TRMT44: variants seen among roughly 807,000 people sequenced by gnomAD.
The protein encoded by TRMT44 is tRNA methyltransferase 44 homolog, also known as probable tRNA (uracil-O(2)-)-methyltransferase.
A neutral mutation model predicts 77.3 loss-of-function variants in TRMT44; 78 were observed. The observed-to-expected ratio is 1.01, with a 90% confidence interval of 0.84 to 1.22. The LOEUF is 1.22. Among genes scored for constraint, TRMT44 ranks in the 50% most tolerant of loss-of-function variants. The pLI, the probability that TRMT44 is intolerant of heterozygous loss-of-function variation, is 0.00. For synonymous variants in TRMT44, 391 were observed against 383.3 expected, an observed-to-expected ratio of 1.02 and a Z score of -0.23; for missense variants, 1,090 against 964.4, an observed-to-expected ratio of 1.13 and a Z score of -1.73.
chr4:8,498,011 C>T (rs544333440), downstream of TRMT44, among the ~76,000 whole-genome samples: 15 of 152,330 alleles, frequency 9.8e-5, no homozygotes, highest in South Asian at 4.1e-4. The surrounding 1 kb of genome is among the most constrained non-coding windows in gnomAD (Gnocchi z 4.3). Flanking sequence ...CTATGCTTCT[C>T]ACTGTCCCTC....
chr4:8,449,516 G>A (rs1725285745), intron 2 of TRMT44, among the ~76,000 whole-genome samples, 153 bp from the exon 3 acceptor site: 1 of 152,196 alleles, frequency 6.6e-6, no homozygotes, highest in Non-Finnish European at 1.5e-5. Context: ...TTCTCTATTA[G>A]ATGAAAGTTC....
At chr4:8,441,471 G>T in intron 1 of TRMT44, 30 bp downstream of exon 1, 1 of 1,453,770 alleles carries the variant, frequency 6.9e-7, no homozygotes, top group South Asian at 1.4e-5. Flanking sequence ...GGACGGATAT[G>T]ATTAGATAAA....
At chr4:8,507,503 T>G in the TRMT44 span, 5 of 153,336 alleles carry the variant, frequency 3.3e-5, no homozygotes, top group African/African-American at 1.2e-4. Flanking sequence ...CGTGCATCCT[T>G]GCCTGTGGGT....
chr4:8,475,128 T>G (rs569080988), intron 10 of TRMT44, among the ~76,000 whole-genome samples: 1 of 152,320 alleles, frequency 6.6e-6, no homozygotes, highest in African/African-American at 2.4e-5. Context: ...GTAAACCCAG[T>G]GCACCGGGAC....
intron 9 of TRMT44, 49 bp from the exon 10 acceptor site, chr4:8,471,035 T>G: frequency 7.6e-7 from 1 of 1,320,142 alleles, no homozygotes; most frequent in Non-Finnish European, 1.1e-6. Flanking sequence ...GACAGGTTCG[T>G]AATATTTTGC....
intron 2 of TRMT44, among the ~76,000 whole-genome samples, chr4:8,486,894 G>A (rs375304536): frequency 1.3e-5 from 2 of 152,114 alleles, no homozygotes; most frequent in Non-Finnish European, 2.9e-5. Context: ...TCAGCCCGGC[G>A]AGGAGCAGCC....
intron 10 of TRMT44, among the ~76,000 whole-genome samples, chr4:8,473,848 CG>C (rs923504739): frequency 6.6e-6 from 1 of 152,074 alleles, no homozygotes; most frequent in Non-Finnish European, 1.5e-5. Context: ...GAGGGGCGGC[CG>C]GGAGCTACCT....
At chr4:8,463,934 A>G in intron 6 of TRMT44, 51 bp from the exon 7 acceptor site, 2 of 1,502,216 alleles carry the variant, frequency 1.3e-6, no homozygotes, top group Admixed American at 1.7e-5. Flanking sequence ...CCCACGCAGT[A>G]GCTCTACAAT....
chr4:8,503,951 G>A, the TRMT44 span, among the ~76,000 whole-genome samples: 6 of 152,134 alleles, frequency 3.9e-5, no homozygotes, highest in Non-Finnish European at 7.4e-5. Flanking sequence ...GCCTGTCCTG[G>A]CCTCGCTCCC....
intron 6 of TRMT44, among the ~76,000 whole-genome samples, chr4:8,458,461 TTTC>T (rs1725949027): frequency 7.0e-6 from 1 of 143,448 alleles, no homozygotes; most frequent in African/African-American, 2.5e-5. Flanking sequence ...TTTCTTTTCT[TTTC>T]TTTTTTTTTT....
intron 2 of TRMT44, among the ~76,000 whole-genome samples, chr4:8,447,979 T>C (rs1725171356): frequency 6.6e-6 from 1 of 152,168 alleles, no homozygotes; most frequent in Non-Finnish European, 1.5e-5. Context: ...GTGACTTTCA[T>C]TGCTCTTTGA....
chr4:8,515,140 A>AT, the TRMT44 span, among the ~76,000 whole-genome samples: 1 of 151,860 alleles, frequency 6.6e-6, no homozygotes, highest in Non-Finnish European at 1.5e-5. Flanking sequence ...TAATTTTTGT[A>AT]TTTTTTTGTA....
chr4:8,471,508 G>T (rs1051348913), intron 10 of TRMT44, among the ~76,000 whole-genome samples: 1 of 152,242 alleles, frequency 6.6e-6, no homozygotes, highest in Non-Finnish European at 1.5e-5. Context: ...GAGCAAGTCG[G>T]GTAGCCGCTG....
the TRMT44 span, among the ~76,000 whole-genome samples, chr4:8,501,210 G>A: frequency 6.6e-6 from 1 of 152,236 alleles, no homozygotes; most frequent in Non-Finnish European, 1.5e-5. This position sits in a 1 kb window ranked among gnomAD's most constrained non-coding sequence, Gnocchi z 4.4. Context: ...GCTTGTGCAT[G>A]TGCAGGGCGG....
intron 2 of TRMT44, among the ~76,000 whole-genome samples, chr4:8,484,058 A>G (rs1241180258): frequency 1.3e-5 from 2 of 152,226 alleles, no homozygotes; most frequent in Non-Finnish European, 2.9e-5. Context: ...CAGGATGGAA[A>G]GGAAATGACA....
intron 2 of TRMT44, among the ~76,000 whole-genome samples, chr4:8,490,441 T>C (rs1194065534): frequency 6.6e-6 from 1 of 152,032 alleles, no homozygotes; most frequent in Non-Finnish European, 1.5e-5. Context: ...ACCTTCGCCG[T>C]GAGTGTTACA....
chr4:8,442,303 G>A (rs571207776), intron 1 of TRMT44, among the ~76,000 whole-genome samples: 1 of 152,332 alleles, frequency 6.6e-6, no homozygotes, highest in East Asian at 1.9e-4. Flanking sequence ...TATTTATGCT[G>A]AGACAAATAA....
intron 2 of TRMT44, among the ~76,000 whole-genome samples, chr4:8,483,624 C>T (rs1337098341): frequency 6.6e-6 from 1 of 152,096 alleles, no homozygotes; most frequent in Admixed American, 6.5e-5. Flanking sequence ...TTTAAAAGAC[C>T]ATTAGTCTGT....
At chr4:8,467,414 G>A (rs1044346721) in intron 8 of TRMT44, among the ~76,000 whole-genome samples, 6 of 152,090 alleles carry the variant, frequency 3.9e-5, no homozygotes, top group Non-Finnish European at 7.4e-5. Context: ...GGAACCATGG[G>A]CTCTTACTGT....
Sources: gnomAD v4.1 joint callset for allele counts (sites outside exome capture counted in the v4.1 genomes callset) on GRCh38, gnomAD v4.1.1 for gene constraint, Gnocchi (gnomAD v3.1) non-coding constraint, MANE v1.5 for transcripts, NCBI Gene and HGNC (gene_info 2026-07-23, HGNC 2026-07-21) for gene names.